PRPF18: variants seen among roughly 807,000 people sequenced by gnomAD.
The protein encoded by PRPF18 is pre-mRNA-splicing factor 18.
Under a neutral mutation model 46.5 loss-of-function variants are expected in PRPF18, and 38 were observed. The ratio of observed to expected loss-of-function variants is 0.82; its 90% CI spans 0.63 to 1.07. PRPF18 has a LOEUF of 1.07. Ranked by LOEUF, PRPF18 falls within the 50% of genes least tolerant of loss-of-function variation. The pLI, the probability that PRPF18 is intolerant of heterozygous loss-of-function variation, is 0.00. For synonymous variants in PRPF18, 152 were observed against 146.7 expected (o/e 1.04, Z -0.26); for missense variants, 263 against 410.0 (o/e 0.64, Z 3.10).
At chr10:13,601,898 T>C (rs2080116127) in intron 3 of PRPF18, among the ~76,000 whole-genome samples, 1 of 152,254 alleles carries the variant, frequency 6.6e-6, no homozygotes, top group Non-Finnish European at 1.5e-5. Flanking sequence ...TACTGATGGA[T>C]AGATTACTTC....
chr10:13,625,371 G>C (rs1210830208), intron 9 of PRPF18, among the ~76,000 whole-genome samples: 5 of 151,956 alleles, frequency 3.3e-5, no homozygotes, highest in Non-Finnish European at 7.4e-5. Flanking sequence ...AGAACATTAG[G>C]CTATAAAAAA....
chr10:13,609,248 G>A (rs764907345), intron 4 of PRPF18, among the ~76,000 whole-genome samples: 1 of 152,184 alleles, frequency 6.6e-6, no homozygotes, highest in Non-Finnish European at 1.5e-5. Context: ...CATAGTAACT[G>A]TTCACTGAAA....
At chr10:13,630,222 C>A in intron 9 of PRPF18, 38 bp from the exon 10 acceptor site, 1 of 1,484,516 alleles carries the variant, frequency 6.7e-7, no homozygotes, top group Non-Finnish European at 9.4e-7. Flanking sequence ...ATAATTTAAC[C>A]ATGTCATAAC....
intron 1 of PRPF18, among the ~76,000 whole-genome samples, chr10:13,594,338 A>C (rs1042673667): frequency 1.3e-5 from 2 of 152,208 alleles, no homozygotes; most frequent in Non-Finnish European, 2.9e-5. Flanking sequence ...CAAGTACACG[A>C]AGAAAATTCA....
At chr10:13,623,488 T>C (rs2080450862) in intron 9 of PRPF18, among the ~76,000 whole-genome samples, 1 of 152,240 alleles carries the variant, frequency 6.6e-6, no homozygotes, top group South Asian at 2.1e-4. Context: ...TTCTTCACGT[T>C]CTTAGGATGT....
At chr10:13,620,103 C>T (rs948463508) in intron 9 of PRPF18, among the ~76,000 whole-genome samples, 1 of 151,888 alleles carries the variant, frequency 6.6e-6, no homozygotes, top group African/African-American at 2.4e-5. Context: ...TTGAATTCTC[C>T]TAAAAAAAAG....
intron 1 of PRPF18, among the ~76,000 whole-genome samples, chr10:13,591,282 A>G (rs1294291270): frequency 6.6e-6 from 1 of 152,212 alleles, no homozygotes; most frequent in Non-Finnish European, 1.5e-5. Context: ...TCTGTCAGTA[A>G]CTTACAGACT....
At chr10:13,597,574 G>C (rs1256698736) in intron 2 of PRPF18, 39 bp downstream of exon 2, 1 of 1,597,778 alleles carries the variant, frequency 6.3e-7, no homozygotes, top group Non-Finnish European at 8.6e-7. Context: ...GTACATTTCT[G>C]AGTTTAAATT....
chr10:13,604,735 G>T (rs920135177), intron 3 of PRPF18, among the ~76,000 whole-genome samples: 5 of 152,060 alleles, frequency 3.3e-5, no homozygotes, highest in Admixed American at 6.5e-5. Flanking sequence ...GGTTACTTAA[G>T]GTGTGATGGT....
At chr10:13,616,020 C>G (rs556741638) in intron 8 of PRPF18, among the ~76,000 whole-genome samples, 29 of 152,314 alleles carry the variant, frequency 1.9e-4, no homozygotes, top group African/African-American at 7.0e-4. Context: ...ACATGACCCC[C>G]TGTGGAGAAG....
chr10:13,587,253 G>A (rs1242257432), intron 1 of PRPF18, 101 bp downstream of exon 1: 1 of 1,307,580 alleles, frequency 7.6e-7, no homozygotes, highest in Admixed American at 1.7e-5. Context: ...TCGGGGCGGG[G>A]ACGGGGCTTA....
chr10:13,613,369 T>C (rs922732273), intron 6 of PRPF18, among the ~76,000 whole-genome samples: 7 of 152,234 alleles, frequency 4.6e-5, no homozygotes, highest in African/African-American at 9.6e-5. Flanking sequence ...CTACAGCATA[T>C]GTAGAAAGTC....
At chr10:13,588,539 G>A (rs2079910417) in intron 1 of PRPF18, among the ~76,000 whole-genome samples, 2 of 149,554 alleles carry the variant, frequency 1.3e-5, no homozygotes. Context: ...TCGTGCCACT[G>A]CACTCCAGCC....
the PRPF18 span, chr10:13,651,870 T>C: frequency 9.5e-7 from 1 of 1,056,324 alleles, no homozygotes; most frequent in South Asian, 1.3e-5. Context: ...CACAGACTCA[T>C]GGGCAGTAGG....
chr10:13,638,864 C>T, the PRPF18 span: 1 of 139,546 alleles, frequency 7.2e-6, no homozygotes, highest in Admixed American at 7.5e-5. Context: ...GAAGTTGACA[C>T]AAAATTAACC....
intron 9 of PRPF18, among the ~76,000 whole-genome samples, chr10:13,627,606 T>G (rs1329942747): frequency 4.6e-5 from 7 of 152,234 alleles, no homozygotes; most frequent in African/African-American, 1.4e-4. Flanking sequence ...ATCTCTGCCA[T>G]GCACTCTCAA....
At position 13,592,906 on chromosome 10, in the gene PRPF18, G is replaced by A. The variant is rs937868730; in HGVS notation, c.67-4552G>A. Reference sequence around the variant, plus strand: ...GCTACAATAATCAAAACAGCATAGCGCTGGCATAAAGAGCAACAGCTAACA... The same window carrying A: ...GCTACAATAATCAAAACAGCATAGCACTGGCATAAAGAGCAACAGCTAACA... On this transcript the variant is annotated intron_variant, in intron 1 of 9. Transcript: ENST00000378572. Among the ~76,000 whole-genome samples, 7 of 152,274 alleles carry A rather than the reference G, an allele frequency of 4.6e-5. No individual in the cohort carries two copies. The East Asian group carries it at 1.2e-3, about 25-fold the overall frequency.
At chr10:13,622,204 C>G (rs906746105) in intron 9 of PRPF18, among the ~76,000 whole-genome samples, 2 of 132,066 alleles carry the variant, frequency 1.5e-5, no homozygotes, top group Non-Finnish European at 3.5e-5. Flanking sequence ...AGCTGTCTAC[C>G]CCCTTAATCT....
intron 9 of PRPF18, among the ~76,000 whole-genome samples, chr10:13,627,627 C>T (rs2134052005): frequency 6.6e-6 from 1 of 152,294 alleles, no homozygotes; most frequent in East Asian, 1.9e-4. Context: ...ATCTTTTTTA[C>T]AAAAATGTAT....
Sources: gnomAD v4.1 joint callset for allele counts (sites outside exome capture counted in the v4.1 genomes callset) on GRCh38, gnomAD v4.1.1 for gene constraint, MANE v1.5 for transcripts, NCBI Gene and HGNC (gene_info 2026-07-23, HGNC 2026-07-21) for gene names.